PATL1: variants seen among roughly 807,000 people sequenced by gnomAD.
PATL1 encodes protein PAT1 homolog 1.
In PATL1, 32 loss-of-function variants were observed where a neutral mutation model predicts 100.6. The observed-to-expected ratio is 0.32, with a 90% confidence interval of 0.24 to 0.43. The LOEUF (loss-of-function observed/expected upper bound fraction) is 0.43. Ranked by LOEUF, PATL1 falls within the 20% of genes least tolerant of loss-of-function variation. The pLI, the probability that PATL1 is intolerant of heterozygous loss-of-function variation, is 1.00. For synonymous variants in PATL1, 332 were observed against 330.0 expected (o/e 1.01, Z -0.07); for missense variants, 747 against 949.9 (o/e 0.79, Z 2.81).
At chr11:59,647,219 T>A (rs1279851506) in intron 15 of PATL1, among the ~76,000 whole-genome samples, 11 of 103,080 alleles carry the variant, frequency 1.1e-4, no homozygotes, top group Non-Finnish European at 1.8e-4. Flanking sequence ...CAAAACTCTG[T>A]CTCAAAAAAA....
At chr11:59,666,074 T>C (rs1419442664) in intron 2 of PATL1, among the ~76,000 whole-genome samples, 1 of 151,942 alleles carries the variant, frequency 6.6e-6, no homozygotes, top group Non-Finnish European at 1.5e-5. Context: ...GATCACGAGG[T>C]CAGGAGTTTG....
intron 10 of PATL1, 56 bp from the exon 11 acceptor site, chr11:59,652,643 T>C (rs1861463378): frequency 2.5e-6 from 4 of 1,588,104 alleles, no homozygotes; most frequent in Non-Finnish European, 2.6e-6. Context: ...GACTGTTGTT[T>C]ACCATCAAAT....
chr11:59,656,594 A>G lies in PATL1; in HGVS notation c.628T>C (p.Cys210Arg). The change falls in exon 6 of 19, where the codon TGT (cysteine) becomes CGT (arginine). Residue 210 changes from cysteine (C) to arginine (R), a missense_variant. Physicochemically the swap from Cys to Arg is radical, Grantham distance 180. Coordinates refer to ENST00000300146, the MANE Select transcript of PATL1 (RefSeq NM_152716.3). The stretch of plus-strand genomic sequence containing the variant: ...GGCCGAACATGGACAGGCTTCGGAC[A>G]CAGAATCTATCAGGACAAACATATA... ...AVPSFTQQIL[C>R]PKPVHVRPPM... 1 of 1,613,626 alleles carries G rather than the reference A, an allele frequency of 6.2e-7. No individual in the cohort carries two copies. Among genetic ancestry groups the G allele is most frequent in the African/African-American group, 1.3e-5 (1 of 75,022 alleles).
chr11:59,655,490 T>A, intron 8 of PATL1, 33 bp downstream of exon 8: 1 of 1,479,268 alleles, frequency 6.8e-7, no homozygotes, highest in Non-Finnish European at 9.1e-7. Flanking sequence ...ACTTGGCTGA[T>A]AACTGATAAA....
At chr11:59,640,423 T>C (rs1408362124) in intron 16 of PATL1, among the ~76,000 whole-genome samples, 2 of 149,582 alleles carry the variant, frequency 1.3e-5, no homozygotes, top group African/African-American at 2.5e-5. Flanking sequence ...CTTTGGGGCA[T>C]AGGATTAAAA....
intron 15 of PATL1, among the ~76,000 whole-genome samples, chr11:59,644,109 C>A (rs1861327432): frequency 6.6e-6 from 1 of 152,132 alleles, no homozygotes; most frequent in East Asian, 1.9e-4. Flanking sequence ...TTATTATGGT[C>A]ATTTTAGAAC....
chr11:59,653,204 T>C (rs1048173832), intron 9 of PATL1, among the ~76,000 whole-genome samples, 186 bp from the exon 10 acceptor site: 1 of 151,784 alleles, frequency 6.6e-6, no homozygotes, highest in South Asian at 2.1e-4. Flanking sequence ...TAATAAATAA[T>C]GAAGAAATAA....
intron 15 of PATL1, among the ~76,000 whole-genome samples, chr11:59,644,025 G>C (rs1390235067): frequency 6.6e-6 from 1 of 152,122 alleles, no homozygotes. Context: ...AGTGATGGCT[G>C]GTTTTACTTT....
intron 9 of PATL1, among the ~76,000 whole-genome samples, 152 bp from the exon 10 acceptor site, chr11:59,653,170 A>G (rs569843531): frequency 1.8e-4 from 27 of 152,078 alleles, no homozygotes; most frequent in Admixed American, 3.3e-4. Context: ...AAGTCTTAAT[A>G]GAATTTAAGA....
At chr11:59,641,372 C>T (rs1861276168) in intron 16 of PATL1, among the ~76,000 whole-genome samples, 1 of 151,856 alleles carries the variant, frequency 6.6e-6, no homozygotes, top group Non-Finnish European at 1.5e-5. Context: ...ATGTATGACT[C>T]ATACCTATAA....
chr11:59,643,413 A>G (rs1861315127), intron 15 of PATL1, among the ~76,000 whole-genome samples: 1 of 151,948 alleles, frequency 6.6e-6, no homozygotes, highest in Non-Finnish European at 1.5e-5. Context: ...TATAGCGGAG[A>G]AGATATGGGT....
chr11:59,644,300 C>G (rs1327211685), intron 15 of PATL1, among the ~76,000 whole-genome samples: 1 of 151,918 alleles, frequency 6.6e-6, no homozygotes. Context: ...AATATCATAC[C>G]TAACAAAATA....
chr11:59,658,399 C>G lies in PATL1; in HGVS notation c.426+467G>C, dbSNP rs552927248. 5.9e-5 allele frequency among the ~76,000 whole-genome samples: 9 copies of G among 151,840 alleles called. No homozygotes were observed. In the South Asian group the frequency reaches 1.9e-3, roughly 32 times the overall value. ...GTGGCGCAATCTTGCCTTACTACAA[C>G]TTCCGCCCTGCCTCCCAGGTTCAAG... is the stretch of plus-strand genomic sequence containing the variant. On this transcript the variant is annotated intron_variant, in intron 4 of 18. Transcript: ENST00000300146.
chr11:59,644,384 C>T (rs1024436692), intron 15 of PATL1, among the ~76,000 whole-genome samples: 1 of 151,980 alleles, frequency 6.6e-6, no homozygotes, highest in African/African-American at 2.4e-5. Context: ...GTTTCAAATT[C>T]AAATTCCCTC....
In PATL1 at chr11:59,639,182, G is replaced by T; in HGVS notation, c.2157C>A (p.Phe719Leu). The change falls in exon 18 of 19, where the codon TTC becomes TTA. Residue 719 changes from phenylalanine (F) to leucine (L), a missense_variant. Transcript: ENST00000300146. Reference protein sequence around the residue: ...TQNNQWTEVMFMATRELLRIP... With the variant: ...TQNNQWTEVMLMATRELLRIP... ...TCCGCAGAAGTTCTCGTGTTGCCATGAACATCACCTCCGTCCTGACAGGGA... is the reference window on the plus strand; with the variant it reads ...TCCGCAGAAGTTCTCGTGTTGCCATTAACATCACCTCCGTCCTGACAGGGA... The T allele has an allele frequency of 6.2e-7, 1 of 1,613,936 alleles. No individual in the cohort carries two copies. The highest frequency in any genetic ancestry group is 1.1e-5 in the South Asian group (1 of 91,066).
chr11:59,654,053 T>G lies in PATL1; in HGVS notation c.1051A>C (p.Arg351=). The G allele has an allele frequency of 6.2e-7, 1 of 1,613,830 alleles. No individual in the cohort carries two copies. Among genetic ancestry groups the G allele is most frequent in the South Asian group, 1.1e-5 (1 of 91,082 alleles). ...QNLRSQAPMF[R]PDTTHLHPQH... is the part of the protein sequence containing the mutation. ...GGATGGAGGTGAGTTGTGTCCGGTC[T>G]AAACATTGGGGCCTGAGATCTAAGA... The change falls in exon 9 of 19, where the codon AGA becomes CGA. Residue 351 remains arginine (R), a synonymous_variant. Transcript: ENST00000300146.
intron 8 of PATL1, 87 bp from the exon 9 acceptor site, chr11:59,654,159 T>C (rs1359134984): frequency 1.7e-6 from 2 of 1,169,672 alleles, no homozygotes; most frequent in Admixed American, 1.7e-5. Flanking sequence ...GATAACTTCA[T>C]ACAGGTTAAC....
intron 13 of PATL1, among the ~76,000 whole-genome samples, chr11:59,649,993 T>C (rs1861418823): frequency 1.3e-5 from 2 of 152,072 alleles, no homozygotes; most frequent in Non-Finnish European, 2.9e-5. Context: ...TAGTGGCACA[T>C]GCCTATAATC....
intron 16 of PATL1, among the ~76,000 whole-genome samples, chr11:59,641,170 C>CA (rs903942198): frequency 7.1e-4 from 95 of 134,100 alleles, no homozygotes; most frequent in Admixed American, 1.9e-3. Context: ...GGCTCTGTCT[C>CA]AAAAAAAAAA....
Sources: gnomAD v4.1 joint callset for allele counts (sites outside exome capture counted in the v4.1 genomes callset) on GRCh38, gnomAD v4.1.1 for gene constraint, MANE v1.5 for transcripts, NCBI Gene and HGNC (gene_info 2026-07-23, HGNC 2026-07-21) for gene names.